The following RSPH14 variants were observed in gnomAD, a reference collection of about 807,000 sequenced individuals.
RSPH14 encodes the protein rhabdoid tumor deletion region gene 1.
Under a neutral mutation model 26.7 loss-of-function variants are expected in RSPH14, and 20 were observed. The ratio of observed to expected loss-of-function variants is 0.75; its 90% CI spans 0.53 to 1.09. The LOEUF is 1.09. Among genes scored for constraint, RSPH14 ranks in the 50% least tolerant of loss-of-function variants. The pLI is 0.00. For missense variants in RSPH14, 449 were observed against 457.2 expected (o/e 0.98, Z 0.16); for synonymous variants, 177 against 189.3 (o/e 0.93, Z 0.53).
intron 3 of RSPH14, among the ~76,000 whole-genome samples, chr22:23,134,591 G>A (rs1195872209): frequency 2.8e-5 from 4 of 144,324 alleles, no homozygotes; most frequent in Non-Finnish European, 4.5e-5. Context: ...TTGGCTGGGC[G>A]CAGTGGCTCA....
rs772259026 is a variant in RSPH14, at chr22:23,140,344, C to T, written c.77G>A (p.Arg26Gln). ...ATQITTAYGH[R>Q]ALPKLKEELQ... ...CTCCTCCTTCAGCTTGGGCAGGGCCCGATGGCCATAGGCAGTGGTAATCTG... is the reference window on the plus strand; with the variant it reads ...CTCCTCCTTCAGCTTGGGCAGGGCCTGATGGCCATAGGCAGTGGTAATCTG... Residue 26 changes from arginine to glutamine, a missense_variant, in exon 2 of 7, where the codon CGG (arginine) becomes CAG (glutamine). Transcript: ENST00000216036. The T allele has an allele frequency of 9.3e-6, 15 of 1,613,994 alleles. No individual in the cohort carries two copies. Among genetic ancestry groups the T allele is most frequent in the East Asian group, 4.5e-5 (2 of 44,896 alleles).
the RSPH14 span, among the ~76,000 whole-genome samples, chr22:23,174,083 A>G: frequency 6.6e-6 from 1 of 151,886 alleles, no homozygotes; most frequent in South Asian, 2.1e-4. Context: ...GAAGTTCTGC[A>G]TTGTCTCCAG....
At chr22:23,078,786 C>T (rs1253870054) in intron 4 of RSPH14, among the ~76,000 whole-genome samples, 1 of 152,192 alleles carries the variant, frequency 6.6e-6, no homozygotes. Flanking sequence ...GGTGGGAGCA[C>T]ACTTGCAGGG....
the RSPH14 span, among the ~76,000 whole-genome samples, chr22:23,156,777 C>T: frequency 6.6e-6 from 1 of 152,226 alleles, no homozygotes; most frequent in African/African-American, 2.4e-5. Flanking sequence ...CAGCTCTGCC[C>T]TGGTCGCATG....
At chr22:23,081,266 G>C (rs1360491123) in intron 4 of RSPH14, among the ~76,000 whole-genome samples, 1 of 152,176 alleles carries the variant, frequency 6.6e-6, no homozygotes, top group East Asian at 1.9e-4. Context: ...CGCAAGGTGT[G>C]CTGTGGTTTA....
intron 4 of RSPH14, among the ~76,000 whole-genome samples, chr22:23,087,005 C>A (rs1201814071): frequency 6.6e-6 from 1 of 152,170 alleles, no homozygotes; most frequent in Non-Finnish European, 1.5e-5. Context: ...ATAAGTCGGG[C>A]GTAAAAGGGC....
At chr22:23,097,958 G>A (rs890042341) in intron 4 of RSPH14, among the ~76,000 whole-genome samples, 2 of 152,266 alleles carry the variant, frequency 1.3e-5, no homozygotes, top group African/African-American at 4.8e-5. Flanking sequence ...CGTGCCCACA[G>A]GTGTGCTGGA....
intron 4 of RSPH14, among the ~76,000 whole-genome samples, chr22:23,090,360 C>T (rs2068936112): frequency 6.6e-6 from 1 of 152,164 alleles, no homozygotes; most frequent in Admixed American, 6.5e-5. Flanking sequence ...TCTTGCAGAG[C>T]CTCACTGCAT....
intron 4 of RSPH14, among the ~76,000 whole-genome samples, chr22:23,114,297 A>G (rs2069752894): frequency 6.6e-6 from 1 of 152,222 alleles, no homozygotes; most frequent in Non-Finnish European, 1.5e-5. Flanking sequence ...GCTTTTCTAC[A>G]GTGGGCTGAC....
chr22:23,179,973 G>A, the RSPH14 span: 1 of 320,046 alleles, frequency 3.1e-6, no homozygotes, highest in South Asian at 5.1e-5. Context: ...GCCTGGTCTT[G>A]CAGATGCCCA....
In RSPH14 at chr22:23,127,873, G is replaced by C. The variant is rs191116896; in HGVS notation, c.421+6153C>G. Among the ~76,000 whole-genome samples the C allele has an allele frequency of 2.0e-5, 3 of 152,160 alleles. No individual in the cohort carries two copies. The East Asian group carries it at 5.8e-4, about 29-fold the overall frequency. ...GCCCAGTTCTCCTTTCCAAGGTCAC[G>C]GAGCCAATTTCCAGAGGCAGGGCCC... On this transcript the variant is annotated intron_variant, in intron 4 of 6. Coordinates refer to ENST00000216036, the MANE Select transcript of RSPH14 (RefSeq NM_014433.3).
chr22:23,115,321 G>A (rs1017459349), intron 4 of RSPH14, among the ~76,000 whole-genome samples: 1 of 152,222 alleles, frequency 6.6e-6, no homozygotes, highest in Non-Finnish European at 1.5e-5. Flanking sequence ...GTAGGTGTTT[G>A]CATGTGGTTG....
chr22:23,117,588 C>T lies in RSPH14; in HGVS notation c.421+16438G>A, dbSNP rs560474113. Reference sequence around the variant, plus strand: ...GTGAGAGGACGTCCCAGTGCCAAGGCGAATCACAGTGGGTGTGGCGTGGAG... The same window carrying T: ...GTGAGAGGACGTCCCAGTGCCAAGGTGAATCACAGTGGGTGTGGCGTGGAG... On this transcript the variant is annotated intron_variant, in intron 4 of 6. Transcript: ENST00000216036. Among the ~76,000 whole-genome samples the T allele has an allele frequency of 2.0e-5, 3 of 152,366 alleles. 1 individual carries two copies. The highest frequency in any genetic ancestry group is 7.2e-5 in the African/African-American group (3 of 41,580).
At chr22:23,154,824 T>C in the RSPH14 span, among the ~76,000 whole-genome samples, 1 of 152,200 alleles carries the variant, frequency 6.6e-6, no homozygotes, top group Non-Finnish European at 1.5e-5. Flanking sequence ...ACTGGATCAC[T>C]TGAAAAAAAT....
chr22:23,162,373 A>G, the RSPH14 span: 5 of 337,390 alleles, frequency 1.5e-5, no homozygotes, highest in Non-Finnish European at 2.4e-5. Flanking sequence ...AGGGTAACTC[A>G]CTCTGCAGCC....
upstream of RSPH14, chr22:23,146,659 G>A (rs144317144): frequency 2.2e-5 from 36 of 1,613,880 alleles, no homozygotes; most frequent in African/African-American, 4.0e-5. Context: ...TGTGAGCCGC[G>A]ACCGTGTCAT....
intron 4 of RSPH14, among the ~76,000 whole-genome samples, chr22:23,087,547 GAA>G (rs1045899798): frequency 9.2e-5 from 14 of 152,208 alleles, no homozygotes; most frequent in African/African-American, 3.4e-4. Flanking sequence ...TTGCAATAGA[GAA>G]AGAGTAATTC....
the RSPH14 span, chr22:23,153,233 T>G: frequency 1.1e-6 from 1 of 909,068 alleles, no homozygotes; most frequent in Admixed American, 2.0e-5. Flanking sequence ...CAAGGAGGAC[T>G]AGTCTAGACA....
intron 4 of RSPH14, 144 bp downstream of exon 4, chr22:23,133,882 C>G: frequency 1.7e-6 from 1 of 604,972 alleles, no homozygotes; most frequent in Non-Finnish European, 3.0e-6. Flanking sequence ...GCCACCACAC[C>G]CAGCGGATAT....
Sources: gnomAD v4.1 joint callset for allele counts (sites outside exome capture counted in the v4.1 genomes callset) on GRCh38, gnomAD v4.1.1 for gene constraint, MANE v1.5 for transcripts, NCBI Gene and HGNC (gene_info 2026-07-23, HGNC 2026-07-21) for gene names.